The following GLRA3 variants were observed in gnomAD, a reference collection of about 807,000 sequenced individuals.
GLRA3 encodes the protein glycine receptor alpha 3, also known as glycine receptor subunit alpha-3.
GLRA3 carries 44 observed loss-of-function variants against 60.4 expected under a neutral mutation model. The observed-to-expected ratio is 0.73, with a 90% CI of 0.57 to 0.94. The LOEUF (loss-of-function observed/expected upper bound fraction) is 0.94. Among genes scored for constraint, GLRA3 ranks in the 40% least tolerant of loss-of-function variants. GLRA3 has a pLI of 0.00. For synonymous variants in GLRA3, 223 were observed against 192.9 expected, an observed-to-expected ratio of 1.16 and a Z score of -1.29; for missense variants, 508 against 564.6, an observed-to-expected ratio of 0.90 and a Z score of 1.02.
intron 7 of GLRA3, among the ~76,000 whole-genome samples, chr4:174,669,786 G>A (rs890446998): frequency 3.9e-5 from 6 of 152,040 alleles, no homozygotes; most frequent in African/African-American, 1.4e-4. Context: ...ATGTTGCTCA[G>A]GCTAGCCTTG....
At chr4:174,672,304 G>A (rs1190836052) in intron 7 of GLRA3, among the ~76,000 whole-genome samples, 2 of 152,140 alleles carry the variant, frequency 1.3e-5, no homozygotes, top group Non-Finnish European at 2.9e-5. Flanking sequence ...ACAAGCCAGA[G>A]CGTGGTCTAA....
intron 2 of GLRA3, among the ~76,000 whole-genome samples, chr4:174,776,324 A>C (rs1738597140): frequency 1.3e-5 from 2 of 152,236 alleles, no homozygotes; most frequent in South Asian, 4.2e-4. Flanking sequence ...GAAGTAGAGA[A>C]ATAACAGAAA....
chr4:174,656,505 T>C (rs962782901), intron 9 of GLRA3, among the ~76,000 whole-genome samples: 5 of 152,146 alleles, frequency 3.3e-5, no homozygotes, highest in East Asian at 3.8e-4. Flanking sequence ...CAAATAGCTC[T>C]GTTAATAAAA....
chr4:174,797,230 C>T (rs1739608585), intron 1 of GLRA3, among the ~76,000 whole-genome samples: 1 of 152,128 alleles, frequency 6.6e-6, no homozygotes, highest in African/African-American at 2.4e-5. Flanking sequence ...TTTGTCTAAA[C>T]CTCCTAGTTT....
At chr4:174,661,620 G>A (rs1733444735) in intron 7 of GLRA3, among the ~76,000 whole-genome samples, 1 of 152,070 alleles carries the variant, frequency 6.6e-6, no homozygotes, top group African/African-American at 2.4e-5. Context: ...CTTGCTCCTG[G>A]TCCCATCCCC....
chr4:174,796,312 A>G (rs566414641), intron 1 of GLRA3, among the ~76,000 whole-genome samples: 2 of 152,224 alleles, frequency 1.3e-5, no homozygotes, highest in East Asian at 3.9e-4. Flanking sequence ...GGAGAAATAA[A>G]TTGTGTTGTG....
chr4:174,658,379 C>T (rs1733294847), intron 8 of GLRA3, among the ~76,000 whole-genome samples: 1 of 152,164 alleles, frequency 6.6e-6, no homozygotes, highest in Non-Finnish European at 1.5e-5. Flanking sequence ...GATGCCATTA[C>T]AGTTCTGCAT....
Position 174,698,248 on chromosome 4 carries a change from G to C in GLRA3, c.575-15309C>G, listed in dbSNP as rs184676580. ...ACTCTGTTGCCCAGGCTGGAGTGCA[G>C]TGAAGCAATCACAGCTCACTGTAGC... On this transcript the variant is annotated intron_variant, in intron 5 of 9. Transcript: ENST00000274093. Among the ~76,000 whole-genome samples the C allele has an allele frequency of 4.1e-4, 63 of 152,230 alleles. 1 individual carries two copies. In the East Asian group the frequency reaches 0.012, roughly 28 times the overall value.
chr4:174,756,619 A>G (rs1256608316), intron 3 of GLRA3, among the ~76,000 whole-genome samples: 1 of 151,504 alleles, frequency 6.6e-6, no homozygotes, highest in Non-Finnish European at 1.5e-5. Context: ...GATTTATGGG[A>G]AACCTACAGT....
At chr4:174,726,931 T>C (rs955493754) in intron 4 of GLRA3, among the ~76,000 whole-genome samples, 1 of 152,200 alleles carries the variant, frequency 6.6e-6, no homozygotes, top group Admixed American at 6.5e-5. Context: ...ACCATTAATT[T>C]ACTCATCCAT....
intron 2 of GLRA3, among the ~76,000 whole-genome samples, chr4:174,786,666 A>T (rs1739141361): frequency 6.6e-6 from 1 of 152,220 alleles, no homozygotes; most frequent in Admixed American, 6.5e-5. Context: ...AGTTATAAGT[A>T]TGTTTGCTGA....
At position 174,671,908 on chromosome 4, in the gene GLRA3, C is replaced by T. The variant is rs558268756; in HGVS notation, c.927+5170G>A. 4.1e-4 allele frequency among the ~76,000 whole-genome samples: 62 copies of T among 152,240 alleles called. No homozygotes were observed. The South Asian group carries it at 0.012, about 31-fold the overall frequency. ...TCAAGTGATCCACCCGCTTCTGCCT[C>T]CCAAAGTGCTGGGATTACAGATGTG... On this transcript the variant is annotated intron_variant, in intron 7 of 9. Coordinates refer to ENST00000274093, the MANE Select transcript of GLRA3 (RefSeq NM_006529.4).
At chr4:174,815,251 A>G (rs1158504375) in intron 1 of GLRA3, among the ~76,000 whole-genome samples, 1 of 152,192 alleles carries the variant, frequency 6.6e-6, no homozygotes, top group Non-Finnish European at 1.5e-5. Context: ...GGCCTTGAGC[A>G]GCTCCACATT....
intron 3 of GLRA3, among the ~76,000 whole-genome samples, chr4:174,754,462 T>C (rs1737609338): frequency 6.6e-6 from 1 of 152,124 alleles, no homozygotes; most frequent in Non-Finnish European, 1.5e-5. Flanking sequence ...AGATATAATT[T>C]TAACATTAAA....
intron 4 of GLRA3, among the ~76,000 whole-genome samples, chr4:174,719,037 A>G (rs1430915304): frequency 7.5e-6 from 1 of 133,924 alleles, no homozygotes; most frequent in Admixed American, 9.4e-5. Flanking sequence ...ATCTCGGCTC[A>G]CTGCAGGCTC....
chr4:174,726,115 C>T (rs1012467424), intron 4 of GLRA3, among the ~76,000 whole-genome samples: 5 of 152,296 alleles, frequency 3.3e-5, no homozygotes, highest in African/African-American at 9.6e-5. Context: ...TGAGAGTGGC[C>T]TCAGAACTGC....
intron 6 of GLRA3, among the ~76,000 whole-genome samples, chr4:174,680,462 T>C (rs980583994): frequency 1.3e-5 from 2 of 152,216 alleles, no homozygotes; most frequent in Non-Finnish European, 2.9e-5. Flanking sequence ...CACATATTGT[T>C]ACATATGGAT....
chr4:174,800,879 G>T (rs902676567), intron 1 of GLRA3, among the ~76,000 whole-genome samples: 1 of 151,792 alleles, frequency 6.6e-6, no homozygotes, highest in Non-Finnish European at 1.5e-5. Flanking sequence ...TTAAAAAACT[G>T]ACAATGGCTG....
chr4:174,736,511 C>T (rs948413156), intron 3 of GLRA3, among the ~76,000 whole-genome samples: 2 of 152,090 alleles, frequency 1.3e-5, no homozygotes, highest in Admixed American at 1.3e-4. Context: ...CACTCATCTG[C>T]TTCCCGTCCC....
Sources: allele counts gnomAD v4.1 joint callset (sites outside exome capture counted in the v4.1 genomes callset), GRCh38; gene constraint gnomAD v4.1.1; transcripts MANE v1.5; gene names NCBI Gene and HGNC (gene_info 2026-07-23, HGNC 2026-07-21).